The following PCLO variants were observed in gnomAD, a reference collection of about 807,000 sequenced individuals.
PCLO encodes the protein protein piccolo.
In PCLO, 82 loss-of-function variants were observed where a neutral mutation model predicts 427.5. That is an observed-to-expected ratio of 0.19 (90% confidence interval 0.16 to 0.23). The LOEUF (loss-of-function observed/expected upper bound fraction) is 0.23. PCLO is among the 10% of genes least tolerant of loss of function. PCLO has a pLI of 1.00. For synonymous variants in PCLO, 2,357 were observed against 2,155.4 expected (o/e 1.09, Z -2.59); for missense variants, 6,239 against 6,115.9 (o/e 1.02, Z -0.67).
chr7:82,812,490 A>G (rs1791593344), intron 20 of PCLO, among the ~76,000 whole-genome samples: 1 of 151,574 alleles, frequency 6.6e-6, no homozygotes, highest in African/African-American at 2.4e-5. Flanking sequence ...CACTTAAAAT[A>G]TAGTTTAAGT....
intron 3 of PCLO, among the ~76,000 whole-genome samples, chr7:83,094,031 G>A (rs531963193): frequency 2.0e-5 from 3 of 151,492 alleles, no homozygotes; most frequent in East Asian, 3.9e-4. Context: ...AATGACCCTC[G>A]TGCTGTTTTA....
At chr7:83,098,641 G>A (rs1790655531) in intron 3 of PCLO, among the ~76,000 whole-genome samples, 1 of 118,536 alleles carries the variant, frequency 8.4e-6, no homozygotes, top group Admixed American at 9.4e-5. Flanking sequence ...CTTATCATAT[G>A]TTCATTAAAA....
chr7:83,156,403 TAAAAAAA>T lies in PCLO; in HGVS notation c.249-18_249-12del. 2 of 1,062,294 alleles carry T rather than the reference TAAAAAAA, an allele frequency of 1.9e-6. No homozygotes were observed. The highest frequency in any genetic ancestry group is 1.3e-6 in the Non-Finnish European group (1 of 790,836). The allele number at this position is 1,062,294 out of a possible 1,614,324, so 65.8% of individuals were successfully genotyped here. On this transcript the variant is annotated splice_polypyrimidine_tract_variant and intron_variant, in intron 1 of 24. Coordinates refer to ENST00000333891, the MANE Select transcript of PCLO (RefSeq NM_033026.6). ...TCCAACTCTTGTTTCCTAGAAGAGT[TAAAAAAA>T]AAAAAAAAAATCAAGTGAAAATAAT...
chr7:83,065,585 TC>T (rs1789649947), intron 3 of PCLO, among the ~76,000 whole-genome samples: 1 of 151,696 alleles, frequency 6.6e-6, no homozygotes, highest in Admixed American at 6.6e-5. Flanking sequence ...CTCTCCTGTC[TC>T]ATAAAAATTC....
chr7:82,929,741 A>ATTTATTTT (rs1275130486), intron 6 of PCLO, among the ~76,000 whole-genome samples: 1 of 152,182 alleles, frequency 6.6e-6, no homozygotes, highest in Non-Finnish European at 1.5e-5. Flanking sequence ...AAGTATGTTC[A>ATTTATTTT]AAAACTACTA....
chr7:82,982,353 AC>A (rs1490935688), intron 3 of PCLO, among the ~76,000 whole-genome samples: 2 of 152,148 alleles, frequency 1.3e-5, no homozygotes, highest in African/African-American at 4.8e-5. Flanking sequence ...GAAGCAAGTG[AC>A]AACTGAGTTG....
intron 10 of PCLO, among the ~76,000 whole-genome samples, chr7:82,862,711 T>C (rs1167259670): frequency 6.6e-6 from 1 of 151,898 alleles, no homozygotes; most frequent in Non-Finnish European, 1.5e-5. Context: ...ACAACATGGA[T>C]GGAACTGGAG....
intron 9 of PCLO, chr7:82,879,788 C>A: frequency 2.3e-6 from 1 of 443,046 alleles, no homozygotes; most frequent in Admixed American, 2.8e-5. Context: ...GTTCCCAGAG[C>A]ATACAATTCA....
chr7:83,138,232 A>C (rs1791777427), intron 2 of PCLO, among the ~76,000 whole-genome samples: 1 of 152,264 alleles, frequency 6.6e-6, no homozygotes, highest in Non-Finnish European at 1.5e-5. Flanking sequence ...TTCCAGGATT[A>C]GTAATTTTCA....
intron 22 of PCLO, among the ~76,000 whole-genome samples, chr7:82,795,040 C>T (rs901016739): frequency 6.6e-6 from 1 of 152,012 alleles, no homozygotes; most frequent in South Asian, 2.1e-4. Flanking sequence ...TTCCACTAAG[C>T]CTGTACAAAT....
rs1158628193 is a variant in PCLO at position 82,757,345 on chromosome 7, C to T, written c.*1230G>A. On this transcript the variant is annotated 3_prime_UTR_variant, in exon 25 of 25. Coordinates refer to ENST00000333891, the MANE Select transcript of PCLO (RefSeq NM_033026.6). ...AAAATAGCTCAAAGTATATTTTAAT[C>T]TCAGGTAAATGTTGACTTTTCACAT... The T allele has an allele frequency of 6.6e-6, 1 of 151,868 alleles. No individual in the cohort carries two copies. The highest frequency in any genetic ancestry group is 2.4e-5 in the African/African-American group (1 of 41,380). The allele number at this position is 151,868 out of a possible 1,614,324, so 9.4% of individuals were successfully genotyped here.
intron 9 of PCLO, among the ~76,000 whole-genome samples, chr7:82,887,761 T>A (rs1048632443): frequency 1.3e-5 from 2 of 152,210 alleles, no homozygotes; most frequent in Non-Finnish European, 2.9e-5. Context: ...TGAGCTTTAC[T>A]CTACTTCCAT....
At chr7:82,919,460 T>C (rs1024205482) in intron 6 of PCLO, among the ~76,000 whole-genome samples, 12 of 151,980 alleles carry the variant, frequency 7.9e-5, no homozygotes, top group African/African-American at 2.9e-4. Context: ...GAGATCTGTT[T>C]CATTCAAGAA....
Position 82,951,943 on chromosome 7 carries a change from G to T in PCLO, c.9010C>A (p.His3004Asn), listed in dbSNP as rs1192150167. The change falls in exon 5 of 25, where the codon CAT (histidine) becomes AAT (asparagine). Residue 3004 changes from histidine (H) to asparagine (N), a missense_variant. By Grantham distance (68) the His-to-Asn change is moderately conservative. This residue lies in a region of PCLO where 4,677 missense variants were observed against 4,468.4 expected (regional missense o/e 1.05). Coordinates refer to ENST00000333891, the MANE Select transcript of PCLO (RefSeq NM_033026.6). The part of the protein sequence containing the change: ...MSDTNLAEAG[H>N]FFYKSKNAFD... ...GCATTCTTACTTTTATAGAAAAAAT[G>T]TCCAGCTTCTGCTAAATTTGTGTCA... is the stretch of plus-strand genomic sequence containing the variant. 8.1e-6 allele frequency: 13 copies of T among 1,613,746 alleles called. No homozygotes were observed. Among genetic ancestry groups the T allele is most frequent in the Non-Finnish European group, 1.1e-5 (13 of 1,179,848 alleles).
chr7:83,049,203 G>C (rs1789174584), intron 3 of PCLO, among the ~76,000 whole-genome samples: 1 of 152,050 alleles, frequency 6.6e-6, no homozygotes, highest in African/African-American at 2.4e-5. Context: ...ATGAAATAGG[G>C]CAGTGACTAC....
intron 3 of PCLO, among the ~76,000 whole-genome samples, chr7:83,058,659 ACTCTATT>A (rs1789463278): frequency 6.6e-6 from 1 of 151,926 alleles, no homozygotes; most frequent in Non-Finnish European, 1.5e-5. Flanking sequence ...CCTCACAGCT[ACTCTATT>A]ATTTCCCATT....
At chr7:82,837,667 T>G (rs1792263518) in intron 15 of PCLO, among the ~76,000 whole-genome samples, 1 of 152,004 alleles carries the variant, frequency 6.6e-6, no homozygotes, top group Admixed American at 6.6e-5. Flanking sequence ...AAAGAGATAT[T>G]TTTTATTTAT....
chr7:82,777,327 C>T (rs1426483214), intron 22 of PCLO, among the ~76,000 whole-genome samples: 1 of 151,994 alleles, frequency 6.6e-6, no homozygotes, highest in African/African-American at 2.4e-5. Context: ...GACCATATTG[C>T]CCAAAGTAAT....
intron 20 of PCLO, chr7:82,821,436 C>T: frequency 1.0e-6 from 1 of 985,554 alleles, no homozygotes; most frequent in Non-Finnish European, 1.2e-6. Flanking sequence ...ACACCACATG[C>T]ACAGCACTAA....
Sources: gnomAD v4.1 joint callset for allele counts (sites outside exome capture counted in the v4.1 genomes callset) on GRCh38, gnomAD v4.1.1 for gene constraint, gnomAD v4.1.1 regional missense constraint, MANE v1.5 for transcripts, NCBI Gene and HGNC (gene_info 2026-07-23, HGNC 2026-07-21) for gene names.